GNA13: variants seen among roughly 807,000 people sequenced by gnomAD.
The protein encoded by GNA13 is G protein subunit alpha 13, also known as guanine nucleotide-binding protein subunit alpha-13.
GNA13 carries 4 observed loss-of-function variants against 33.5 expected under a neutral mutation model. The observed-to-expected ratio is 0.12, with a 90% CI of 0.06 to 0.27. The LOEUF (loss-of-function observed/expected upper bound fraction) is 0.27, where lower values mean the gene tolerates loss of function less well. GNA13 is among the 10% of genes least tolerant of loss of function. The probability of loss-of-function intolerance (pLI) is 1.00; values close to 1 mark genes in which losing one functional copy is unlikely to be tolerated. For synonymous variants in GNA13, 176 were observed against 183.8 expected, an observed-to-expected ratio of 0.96 and a Z score of 0.34; for missense variants, 319 against 487.2, an observed-to-expected ratio of 0.65 and a Z score of 3.25.
In GNA13 at chr17:65,014,867, C is replaced by A; in HGVS notation, c.562-38G>T. 8.0e-7 allele frequency: 1 copy of A among 1,253,642 alleles called. No individual in the cohort carries two copies. The highest frequency in any genetic ancestry group is 1.1e-6 in the Non-Finnish European group (1 of 880,790). 77.7% of individuals were successfully genotyped at this position (1,253,642 alleles called of 1,614,324 possible). ...AAACTTGTTTTATACCTATTAATCC[C>A]GAAGTAATGCGAATTTTTAATGGAC... On this transcript the variant is annotated intron_variant, in intron 3 of 3. Coordinates refer to ENST00000439174, the MANE Select transcript of GNA13 (RefSeq NM_006572.6). This position sits in a 1 kb window ranked among gnomAD's most constrained non-coding sequence, Gnocchi z 5.3.
intron 2 of GNA13, among the ~76,000 whole-genome samples, chr17:65,043,394 C>T (rs1022109027): frequency 2.6e-5 from 4 of 151,774 alleles, no homozygotes; most frequent in African/African-American, 4.8e-5. Context: ...TCAAGCAGTC[C>T]TCTTGTTTCA....
At chr17:65,018,520 T>A (rs1006922370) in intron 2 of GNA13, among the ~76,000 whole-genome samples, 2 of 152,224 alleles carry the variant, frequency 1.3e-5, no homozygotes, top group East Asian at 3.8e-4. Context: ...AAATGCTTAA[T>A]AGAATCAATA....
intron 3 of GNA13, among the ~76,000 whole-genome samples, chr17:65,015,365 T>TA (rs1179572706): frequency 6.6e-6 from 1 of 151,748 alleles, no homozygotes; most frequent in Non-Finnish European, 1.5e-5. Context: ...CTTGCTCCTC[T>TA]ATTAAAAGCA....
chr17:65,049,828 G>C (rs918263004), intron 2 of GNA13, among the ~76,000 whole-genome samples: 4 of 152,134 alleles, frequency 2.6e-5, no homozygotes, highest in African/African-American at 9.7e-5. Flanking sequence ...CTGCTTGTTT[G>C]TTTTAACAAG....
intron 2 of GNA13, among the ~76,000 whole-genome samples, chr17:65,027,314 C>CT (rs11393360): frequency 0.85 from 116,644 of 136,870 alleles, 52,884 homozygotes; most frequent in South Asian, 0.99. Flanking sequence ...CCTCCCCCGC[C>CT]TTTTTTTTTT....
chr17:65,041,915 A>ATC (rs1392672248), intron 2 of GNA13, among the ~76,000 whole-genome samples: 1 of 152,248 alleles, frequency 6.6e-6, no homozygotes, highest in African/African-American at 2.4e-5. Context: ...TTCACCAACC[A>ATC]TCTATATAAC....
Position 65,009,507 on chromosome 17 carries a change from A to G in GNA13, c.*4750T>C, listed in dbSNP as rs1170217876. 1.3e-5 allele frequency among the ~76,000 whole-genome samples: 2 copies of G among 152,226 alleles called. No homozygotes were observed. Among genetic ancestry groups the G allele is most frequent in the African/African-American group, 4.8e-5 (2 of 41,466 alleles). Reference sequence around the variant, plus strand: ...TAAAGCACTGACAAAAAAATTTACAACAATTATCAGATAATGTGCTTAGTT... The same window carrying G: ...TAAAGCACTGACAAAAAAATTTACAGCAATTATCAGATAATGTGCTTAGTT... On this transcript the variant is annotated 3_prime_UTR_variant, in exon 4 of 4. Transcript: ENST00000439174.
chr17:65,036,316 A>G (rs1907245401), intron 2 of GNA13, among the ~76,000 whole-genome samples: 1 of 152,212 alleles, frequency 6.6e-6, no homozygotes, highest in African/African-American at 2.4e-5. Flanking sequence ...GATTTGGTCA[A>G]TTTTGTTACT....
chr17:65,047,125 G>A (rs948049521), intron 2 of GNA13, among the ~76,000 whole-genome samples: 2 of 152,102 alleles, frequency 1.3e-5, no homozygotes, highest in Non-Finnish European at 2.9e-5. Flanking sequence ...CATTTTTAAC[G>A]TAAATAAACA....
In GNA13 at chr17:65,012,098, CATG is replaced by C. The variant is rs1906208541; in HGVS notation, c.*2156_*2158del. On this transcript the variant is annotated 3_prime_UTR_variant, in exon 4 of 4. Transcript: ENST00000439174. ...AGAAAACTGCAAATGCCCAAAATAACATGATATCTATTTGGTGTTTCAACACTT... is the reference window on the plus strand; with the variant it reads ...AGAAAACTGCAAATGCCCAAAATAACATATCTATTTGGTGTTTCAACACTT... 1 of 227,266 alleles carries C rather than the reference CATG, an allele frequency of 4.4e-6. No homozygotes were observed. Among genetic ancestry groups the C allele is most frequent in the African/African-American group, 2.2e-5 (1 of 44,972 alleles). The allele number at this position is 227,266 out of a possible 1,614,324, so 14.1% of individuals were successfully genotyped here. A position where few individuals can be genotyped will look rare whatever the true frequency, so the allele number is the denominator to read the frequency against.
At chr17:65,023,846 C>T (rs1361930279) in intron 2 of GNA13, among the ~76,000 whole-genome samples, 2 of 152,200 alleles carry the variant, frequency 1.3e-5, no homozygotes, top group Non-Finnish European at 2.9e-5. Context: ...GAGCTTCTAC[C>T]TAACCTTCAA....
rs1024491154 is a variant in GNA13 at position 65,014,146 on chromosome 17, G to A, written c.*111C>T. ...TACTAAGATTTTCAAGAAGTTAAACGTAGAATTAAGATTGTTCTAATTCTG... is the reference window on the plus strand; with the variant it reads ...TACTAAGATTTTCAAGAAGTTAAACATAGAATTAAGATTGTTCTAATTCTG... On this transcript the variant is annotated 3_prime_UTR_variant, in exon 4 of 4. Transcript: ENST00000439174. The surrounding 1 kb of genome is among the most constrained non-coding windows in gnomAD (Gnocchi z 5.3). 54 of 661,722 alleles carry A rather than the reference G, an allele frequency of 8.2e-5. No individual in the cohort carries two copies. The highest frequency in any genetic ancestry group is 3.2e-4 in the East Asian group (12 of 37,250). 41.0% of individuals were successfully genotyped at this position (661,722 alleles called of 1,614,324 possible). A position where few individuals can be genotyped will look rare whatever the true frequency, so the allele number is the denominator to read the frequency against.
chr17:65,023,707 C>G (rs995233066), intron 2 of GNA13, among the ~76,000 whole-genome samples: 1 of 152,194 alleles, frequency 6.6e-6, no homozygotes, highest in Admixed American at 6.5e-5. Context: ...GACTTCCATT[C>G]CCATACAAAT....
At chr17:65,056,272 CCTGCCCTTAA>C in intron 1 of GNA13, 29 bp downstream of exon 1, 1 of 1,416,074 alleles carries the variant, frequency 7.1e-7, no homozygotes, top group African/African-American at 1.4e-5. Flanking sequence ...CCCCAGCCCC[CCTGCCCTTAA>C]CCCCCGGCCC....
intron 2 of GNA13, among the ~76,000 whole-genome samples, chr17:65,041,560 G>A (rs552161505): frequency 6.6e-6 from 1 of 152,164 alleles, no homozygotes; most frequent in South Asian, 2.1e-4. Flanking sequence ...TGGAAATGAA[G>A]CTCTAACACC....
chr17:65,052,655 G>A (rs1907897868), intron 2 of GNA13, among the ~76,000 whole-genome samples: 1 of 152,206 alleles, frequency 6.6e-6, no homozygotes, highest in African/African-American at 2.4e-5. Flanking sequence ...ACTGTATTCT[G>A]TATCTTTAAC....
intron 2 of GNA13, among the ~76,000 whole-genome samples, chr17:65,039,789 T>C (rs1354290593): frequency 6.6e-6 from 1 of 152,216 alleles, no homozygotes; most frequent in Admixed American, 6.5e-5. Flanking sequence ...GAGATTACTT[T>C]CACTTGGTTC....
chr17:65,026,816 T>G (rs778551517), intron 2 of GNA13, among the ~76,000 whole-genome samples: 5 of 152,230 alleles, frequency 3.3e-5, no homozygotes, highest in Non-Finnish European at 7.3e-5. Flanking sequence ...TTCGCTCTTG[T>G]TGCCCAGGCT....
intron 2 of GNA13, among the ~76,000 whole-genome samples, chr17:65,031,864 C>CATAGAGAGAG (rs1907028353): frequency 3.3e-5 from 1 of 30,580 alleles, no homozygotes; most frequent in African/African-American, 7.9e-5. Flanking sequence ...ACCCGGACAA[C>CATAGAGAGAG]ATAGAGAGAG....
Sources: allele counts gnomAD v4.1 joint callset (sites outside exome capture counted in the v4.1 genomes callset), GRCh38; gene constraint gnomAD v4.1.1; non-coding constraint Gnocchi (gnomAD v3.1); transcripts MANE v1.5; gene names NCBI Gene and HGNC (gene_info 2026-07-23, HGNC 2026-07-21).